The following METTL2B variants were observed in gnomAD, a reference collection of about 807,000 sequenced individuals.
METTL2B encodes the protein methyltransferase 2B, tRNA N3-cytidine.
Under a neutral mutation model 51.0 loss-of-function variants are expected in METTL2B, and 28 were observed. The observed-to-expected ratio is 0.55, with a 90% CI of 0.41 to 0.75. The LOEUF (loss-of-function observed/expected upper bound fraction) is 0.75. METTL2B is among the 30% of genes least tolerant of loss of function. METTL2B has a pLI of 0.00. For synonymous variants in METTL2B, 128 were observed against 166.3 expected, an observed-to-expected ratio of 0.77 and a Z score of 1.77; for missense variants, 313 against 460.7, an observed-to-expected ratio of 0.68 and a Z score of 2.93.
chr7:128,506,014 CAG>C lies in METTL2B; in HGVS notation c.*4099_*4100del, dbSNP rs1793115566. 1 of 152,110 alleles carries C rather than the reference CAG, an allele frequency of 6.6e-6. No homozygotes were observed. The highest frequency in any genetic ancestry group is 1.5e-5 in the Non-Finnish European group (1 of 68,050). 9.4% of individuals were successfully genotyped at this position (152,110 alleles called of 1,614,324 possible). ...CTAATTTTTGTATTTTTTGTAGAGA[CAG>C]GGTTTCACCATGTGTCCCAGGCTGG... is the stretch of plus-strand genomic sequence containing the variant. On this transcript the variant is annotated 3_prime_UTR_variant, in exon 9 of 9. Coordinates refer to ENST00000262432, the MANE Select transcript of METTL2B (RefSeq NM_018396.3).
intron 4 of METTL2B, among the ~76,000 whole-genome samples, chr7:128,482,205 G>A (rs1799880613): frequency 6.6e-6 from 1 of 152,108 alleles, no homozygotes; most frequent in Admixed American, 6.5e-5. Flanking sequence ...CCAGGTTGGA[G>A]TACAGTGGCA....
At chr7:128,485,980 T>C (rs62481138) in intron 4 of METTL2B, among the ~76,000 whole-genome samples, 9,784 of 152,086 alleles carry the variant, frequency 0.064, 379 homozygotes, top group Non-Finnish European at 0.078. Context: ...GGGACAACTA[T>C]ATGACCTGTA....
chr7:128,485,748 T>C (rs1470272224), intron 4 of METTL2B, among the ~76,000 whole-genome samples: 7 of 151,360 alleles, frequency 4.6e-5, no homozygotes, highest in African/African-American at 1.7e-4. Flanking sequence ...AGAGGATTGG[T>C]TGGGGCTGCA....
chr7:128,477,767 ATTGT>A (rs1799821423), intron 2 of METTL2B, among the ~76,000 whole-genome samples: 1 of 151,610 alleles, frequency 6.6e-6, no homozygotes, highest in Non-Finnish European at 1.5e-5. Flanking sequence ...ACTAGGACTG[ATTGT>A]TCCAGACAAT....
At position 128,505,532 on chromosome 7, in the gene METTL2B, CATT is replaced by C. The variant is rs1435415992; in HGVS notation, c.*3620_*3622del. 1 of 152,206 alleles carries C rather than the reference CATT, an allele frequency of 6.6e-6. No homozygotes were observed. The highest frequency in any genetic ancestry group is 2.4e-5 in the African/African-American group (1 of 41,448). 9.4% of individuals were successfully genotyped at this position (152,206 alleles called of 1,614,324 possible). A position where few individuals can be genotyped will look rare whatever the true frequency, so the allele number is the denominator to read the frequency against. On this transcript the variant is annotated 3_prime_UTR_variant, in exon 9 of 9. Transcript: ENST00000262432. The stretch of plus-strand genomic sequence containing the variant: ...GGCGACACATGATTATGAATTTCCC[CATT>C]ATTGGTGATGTCACTTAGTTGTGTT...
intron 5 of METTL2B, among the ~76,000 whole-genome samples, chr7:128,489,358 C>T (rs1286242441): frequency 6.6e-6 from 1 of 150,928 alleles, no homozygotes; most frequent in Non-Finnish European, 1.5e-5. Context: ...ATTGCTTGAA[C>T]TGGGGAGGCA....
chr7:128,491,109 C>T (rs1429294986), intron 5 of METTL2B, among the ~76,000 whole-genome samples: 2 of 139,720 alleles, frequency 1.4e-5, no homozygotes, highest in Non-Finnish European at 3.0e-5. Context: ...GAGCCGAGAT[C>T]GTGCCACTGC....
At chr7:128,477,001 G>T (rs1454922954) in intron 1 of METTL2B, 81 bp from the exon 2 acceptor site, 2 of 1,386,340 alleles carry the variant, frequency 1.4e-6, no homozygotes, top group East Asian at 5.1e-5. Context: ...TCTCCAAGGG[G>T]AGAGAAACTC....
chr7:128,501,578 A>G, intron 8 of METTL2B, 184 bp from the exon 9 acceptor site: 1 of 985,400 alleles, frequency 1.0e-6, no homozygotes, highest in Non-Finnish European at 1.2e-6. Context: ...CGGCCTATAC[A>G]CAGTGGCTTC....
chr7:128,502,430 C>T lies in METTL2B; in HGVS notation c.*514C>T, dbSNP rs557446954. On this transcript the variant is annotated 3_prime_UTR_variant, in exon 9 of 9. Coordinates refer to ENST00000262432, the MANE Select transcript of METTL2B (RefSeq NM_018396.3). ...TTAAATCTTTTGAGAGTGTAAATGCCGGGCTAGGCAATTGCAGTTAATACA... is the reference window on the plus strand; with the variant it reads ...TTAAATCTTTTGAGAGTGTAAATGCTGGGCTAGGCAATTGCAGTTAATACA... The T allele has an allele frequency of 9.1e-5, 27 of 296,958 alleles. No individual in the cohort carries two copies. Among genetic ancestry groups the T allele is most frequent in the Admixed American group, 6.5e-4 (13 of 20,034 alleles). The allele number at this position is 296,958 out of a possible 1,614,324, so 18.4% of individuals were successfully genotyped here.
rs767078364 is a variant in METTL2B at position 128,497,969 on chromosome 7, G to C, written c.810-67G>C. On this transcript the variant is annotated intron_variant, in intron 6 of 8. Transcript: ENST00000262432. ...GAAGTCCACTGGCTTTTTGGGATAT[G>C]CTACAGGGAAAGAGAACCCTGTCTT... is the stretch of plus-strand genomic sequence containing the variant. 7.8e-6 allele frequency: 12 copies of C among 1,541,052 alleles called. No individual in the cohort carries two copies. The Admixed American group carries it at 2.0e-4, about 25-fold the overall frequency.
Position 128,502,492 on chromosome 7 carries a change from G to T in METTL2B, c.*576G>T, listed in dbSNP as rs1005698835. The T allele has an allele frequency of 2.4e-4, 101 of 415,424 alleles. No individual in the cohort carries two copies. Among genetic ancestry groups the T allele is most frequent in the Non-Finnish European group, 4.7e-4 (99 of 211,632 alleles). 25.7% of individuals were successfully genotyped at this position (415,424 alleles called of 1,614,324 possible). On this transcript the variant is annotated 3_prime_UTR_variant, in exon 9 of 9. Transcript: ENST00000262432. Reference sequence around the variant, plus strand: ...GTGAAGGGCTTATTAAGTTGTAGGGGAAGCAAGCTGGGAAGAATCAGATCA... The same window carrying T: ...GTGAAGGGCTTATTAAGTTGTAGGGTAAGCAAGCTGGGAAGAATCAGATCA...
intron 3 of METTL2B, among the ~76,000 whole-genome samples, chr7:128,479,814 G>A (rs1799850487): frequency 6.6e-6 from 1 of 152,220 alleles, no homozygotes; most frequent in Non-Finnish European, 1.5e-5. Flanking sequence ...AGGTGAAAGA[G>A]CTCAACATGA....
intron 5 of METTL2B, among the ~76,000 whole-genome samples, chr7:128,489,629 CTTTT>C (rs71160655): frequency 9.0e-6 from 1 of 111,058 alleles, no homozygotes; most frequent in Non-Finnish European, 1.7e-5. Flanking sequence ...CTGGCAATTT[CTTTT>C]TTTTTTTTTT....
At chr7:128,490,617 C>T (rs988911566) in intron 5 of METTL2B, among the ~76,000 whole-genome samples, 6 of 152,148 alleles carry the variant, frequency 3.9e-5, no homozygotes, top group African/African-American at 1.4e-4. Context: ...CCAGTTTTCT[C>T]TAGTCAGTAT....
At chr7:128,488,529 G>C (rs548335285) in intron 5 of METTL2B, 10 of 475,840 alleles carry the variant, frequency 2.1e-5, no homozygotes, top group African/African-American at 2.0e-4. Context: ...TGTTGTACTT[G>C]GTTTGGGGTT....
At chr7:128,490,139 A>C (rs891796958) in intron 5 of METTL2B, among the ~76,000 whole-genome samples, 4 of 152,168 alleles carry the variant, frequency 2.6e-5, no homozygotes, top group African/African-American at 9.7e-5. Flanking sequence ...TGCCATTTCA[A>C]AACAATGTTC....
At chr7:128,495,627 A>G (rs1792911624) in intron 6 of METTL2B, among the ~76,000 whole-genome samples, 1 of 150,948 alleles carries the variant, frequency 6.6e-6, no homozygotes, top group East Asian at 2.0e-4. Flanking sequence ...TATTTTTTGT[A>G]TTTTTAGTAG....
intron 5 of METTL2B, among the ~76,000 whole-genome samples, chr7:128,492,346 C>T (rs1792848822): frequency 6.6e-6 from 1 of 151,626 alleles, no homozygotes; most frequent in Non-Finnish European, 1.5e-5. Flanking sequence ...TTAGTAGAGA[C>T]GGGGTTTCAC....
Sources: allele counts gnomAD v4.1 joint callset (sites outside exome capture counted in the v4.1 genomes callset), GRCh38; gene constraint gnomAD v4.1.1; transcripts MANE v1.5; gene names NCBI Gene and HGNC (gene_info 2026-07-23, HGNC 2026-07-21).